The following XKR6 variants were observed in gnomAD, a reference collection of about 807,000 sequenced individuals.
XKR6 encodes the protein XK-related protein 6.
XKR6 carries 22 observed loss-of-function variants against 56.7 expected under a neutral mutation model. The ratio of observed to expected loss-of-function variants is 0.39; its 90% CI spans 0.28 to 0.55. XKR6 has a LOEUF of 0.55. XKR6 is among the 20% of genes least tolerant of loss of function. The probability of loss-of-function intolerance (pLI) is 0.66; values close to 1 mark genes in which losing one functional copy is unlikely to be tolerated. For synonymous variants in XKR6, 524 were observed against 387.8 expected (o/e 1.35, Z -4.13); for missense variants, 852 against 889.0 (o/e 0.96, Z 0.53).
At chr8:11,091,168 T>C (rs1334814802) in intron 1 of XKR6, among the ~76,000 whole-genome samples, 1 of 152,172 alleles carries the variant, frequency 6.6e-6, no homozygotes, top group Non-Finnish European at 1.5e-5. Context: ...TGGTGGTTCA[T>C]ACCTGTAATC....
chr8:10,977,320 C>T (rs1160645258), intron 1 of XKR6, among the ~76,000 whole-genome samples: 1 of 152,042 alleles, frequency 6.6e-6, no homozygotes, highest in African/African-American at 2.4e-5. Flanking sequence ...TCTCCCCCAT[C>T]CCAGGGACAC....
At chr8:11,002,266 C>T (rs569912854) in intron 1 of XKR6, 133 of 174,332 alleles carry the variant, frequency 7.6e-4, no homozygotes, top group Non-Finnish European at 1.4e-3. Flanking sequence ...GCACACTTTC[C>T]TTGTATTGTA....
chr8:11,005,801 G>A (rs1217127996), intron 1 of XKR6, among the ~76,000 whole-genome samples: 3 of 145,090 alleles, frequency 2.1e-5, no homozygotes, highest in Non-Finnish European at 3.0e-5. Flanking sequence ...TTCAAGGTTT[G>A]TATGATAGAC....
At chr8:11,123,540 A>G (rs1799582551) in intron 1 of XKR6, 1 of 260,900 alleles carries the variant, frequency 3.8e-6, no homozygotes, top group Non-Finnish European at 7.6e-6. Context: ...CTATGACAAT[A>G]TCATCACCAA....
chr8:10,918,751 C>T (rs990491876), intron 2 of XKR6, among the ~76,000 whole-genome samples: 24 of 152,210 alleles, frequency 1.6e-4, no homozygotes, highest in Admixed American at 1.6e-3. Context: ...CCAATCCCTG[C>T]TTCCCCAAAG....
chr8:10,991,370 C>T (rs181179438), intron 1 of XKR6, among the ~76,000 whole-genome samples: 144 of 152,264 alleles, frequency 9.5e-4, no homozygotes, highest in Middle Eastern at 3.4e-3. Flanking sequence ...GTTGCAACTG[C>T]CTCTTTCACT....
intron 1 of XKR6, among the ~76,000 whole-genome samples, chr8:11,117,416 C>T (rs1171969810): frequency 1.3e-5 from 2 of 152,314 alleles, no homozygotes; most frequent in South Asian, 2.1e-4. Context: ...ACACATTTAT[C>T]AGTCAGAAAA....
chr8:10,964,728 A>G (rs1347102031), intron 1 of XKR6, among the ~76,000 whole-genome samples: 1 of 152,166 alleles, frequency 6.6e-6, no homozygotes, highest in Non-Finnish European at 1.5e-5. Flanking sequence ...TGGTCAGGGC[A>G]GGGGCCCCTC....
intron 1 of XKR6, among the ~76,000 whole-genome samples, chr8:10,955,172 G>A (rs895573018): frequency 4.6e-5 from 7 of 151,684 alleles, no homozygotes; most frequent in East Asian, 3.9e-4. Context: ...CCCAGCCCCC[G>A]GCTTCATTCT....
chr8:10,939,795 T>G (rs1297730906), intron 1 of XKR6, among the ~76,000 whole-genome samples: 1 of 152,232 alleles, frequency 6.6e-6, no homozygotes, highest in Non-Finnish European at 1.5e-5. Context: ...AGAGCTGTCC[T>G]CAGAAGACAT....
At chr8:11,045,454 G>A (rs190873937) in intron 1 of XKR6, among the ~76,000 whole-genome samples, 1 of 152,306 alleles carries the variant, frequency 6.6e-6, no homozygotes, top group East Asian at 1.9e-4. Context: ...TGCCAGAGGG[G>A]AGGATGGGCA....
chr8:11,192,081 G>A (rs1001028916), intron 1 of XKR6, among the ~76,000 whole-genome samples: 3 of 152,144 alleles, frequency 2.0e-5, no homozygotes, highest in South Asian at 2.1e-4. Context: ...TCCTTGGGAG[G>A]ACAAGGCAGG....
Position 11,066,906 on chromosome 8 carries a change from G to C in XKR6, c.764+133670C>G, listed in dbSNP as rs1799994504. On this transcript the variant is annotated intron_variant, in intron 1 of 2. Transcript: ENST00000416569. Reference sequence around the variant, plus strand: ...CCGGAACCCACACTCCCATCCCCCAGCACTGAGGGATATGTGGGCCGTTGT... The same window carrying C: ...CCGGAACCCACACTCCCATCCCCCACCACTGAGGGATATGTGGGCCGTTGT... The C allele has an allele frequency of 2.6e-5, 4 of 152,370 alleles. No homozygotes were observed. In the South Asian group the frequency reaches 6.2e-4, roughly 24 times the overall value. 9.4% of individuals were successfully genotyped at this position (152,370 alleles called of 1,614,324 possible).
At chr8:11,092,427 C>T (rs898488052) in intron 1 of XKR6, among the ~76,000 whole-genome samples, 1 of 152,032 alleles carries the variant, frequency 6.6e-6, no homozygotes, top group Non-Finnish European at 1.5e-5. Flanking sequence ...AGTTTGCAGC[C>T]CAAATGGAAC....
In XKR6 at chr8:11,200,530, G is replaced by C. The variant is rs114783395; in HGVS notation, c.764+46C>G. On this transcript the variant is annotated intron_variant, in intron 1 of 2. Transcript: ENST00000416569. This position sits in a 1 kb window ranked among gnomAD's most constrained non-coding sequence, Gnocchi z 6.4. ...CCCGCGAAGCACCGGGAGGGCGGAGGGGGGCTCCTCAGGGCCGGCCCGCCC... is the reference window on the plus strand; with the variant it reads ...CCCGCGAAGCACCGGGAGGGCGGAGCGGGGCTCCTCAGGGCCGGCCCGCCC... 4.3e-3 allele frequency: 6,104 copies of C among 1,410,096 alleles called. 233 individuals carry two copies. The African/African-American group carries it at 0.083, about 19-fold the overall frequency. 87.3% of individuals were successfully genotyped at this position (1,410,096 alleles called of 1,614,324 possible).
chr8:10,971,580 A>G (rs1203082693), intron 1 of XKR6, among the ~76,000 whole-genome samples: 2 of 152,180 alleles, frequency 1.3e-5, no homozygotes, highest in African/African-American at 4.8e-5. Context: ...CTCTAGGGGA[A>G]GAAACTTAGG....
rs267601705 is a variant in XKR6, at chr8:10,898,465, G to A, written c.1413C>T (p.Ser471=). Residue 471 remains serine, a synonymous_variant, in exon 3 of 3, where the codon TCC becomes TCT. Coordinates refer to ENST00000416569, the MANE Select transcript of XKR6 (RefSeq NM_173683.4). The surrounding 1 kb of genome is among the most constrained non-coding windows in gnomAD (Gnocchi z 6.6). ...CACAACACAGTGCTGGCACCGCATA[G>A]GAGTCAGTGGTCTCCGGGTCTCTGT... ...YFYRDPETTD[S]YAVPALCCVF... is the part of the protein sequence containing the mutation. The A allele has an allele frequency of 6.2e-6, 10 of 1,613,880 alleles. No homozygotes were observed. Among genetic ancestry groups the A allele is most frequent in the Non-Finnish European group, 8.5e-6 (10 of 1,180,022 alleles).
Position 10,997,870 on chromosome 8 carries a change from G to T in XKR6, c.765-73040C>A, listed in dbSNP as rs567245875. Among the ~76,000 whole-genome samples the T allele has an allele frequency of 9.2e-5, 14 of 152,288 alleles. No homozygotes were observed. In the South Asian group the frequency reaches 2.9e-3, roughly 32 times the overall value. ...AATGTCAGGCACAACCGGGGTCAGAGGGGGAAGGCAAGAAAGCAACTTGAC... is the reference window on the plus strand; with the variant it reads ...AATGTCAGGCACAACCGGGGTCAGATGGGGAAGGCAAGAAAGCAACTTGAC... On this transcript the variant is annotated intron_variant, in intron 1 of 2. Coordinates refer to ENST00000416569, the MANE Select transcript of XKR6 (RefSeq NM_173683.4).
At chr8:10,915,179 G>C (rs947724464) in intron 2 of XKR6, among the ~76,000 whole-genome samples, 2 of 152,222 alleles carry the variant, frequency 1.3e-5, no homozygotes, top group African/African-American at 4.8e-5. Flanking sequence ...TCTACACAAA[G>C]CAGAAGCTCC....
Sources: allele counts gnomAD v4.1 joint callset (sites outside exome capture counted in the v4.1 genomes callset), GRCh38; gene constraint gnomAD v4.1.1; non-coding constraint Gnocchi (gnomAD v3.1); transcripts MANE v1.5; gene names NCBI Gene and HGNC (gene_info 2026-07-23, HGNC 2026-07-21).